Variants in PTPN5 observed in about 807,000 individuals in gnomAD.
PTPN5 encodes the protein tyrosine-protein phosphatase non-receptor type 5.
In PTPN5, 29 loss-of-function variants were observed where a neutral mutation model predicts 73.9. The observed-to-expected ratio is 0.39, with a 90% confidence interval of 0.29 to 0.54. The LOEUF (loss-of-function observed/expected upper bound fraction) is 0.54. Ranked by LOEUF, PTPN5 falls within the 20% of genes least tolerant of loss-of-function variation. The pLI is 0.65. For synonymous variants in PTPN5, 267 were observed against 304.7 expected (o/e 0.88, Z 1.29); for missense variants, 652 against 751.4 (o/e 0.87, Z 1.55).
intron 9 of PTPN5, among the ~76,000 whole-genome samples, chr11:18,735,169 A>G (rs1316679282): frequency 1.3e-5 from 2 of 152,220 alleles, no homozygotes; most frequent in African/African-American, 4.8e-5. Flanking sequence ...TAAAGGATAA[A>G]AAGAAGGATC....
At position 18,787,343 on chromosome 11, in the gene PTPN5, A is replaced by G. The variant is rs564945663; in HGVS notation, c.-114+4182T>C. Among the ~76,000 whole-genome samples the G allele has an allele frequency of 2.0e-5, 3 of 152,182 alleles. No individual in the cohort carries two copies. In the South Asian group the frequency reaches 6.2e-4, roughly 32 times the overall value. On this transcript the variant is annotated intron_variant, in intron 1 of 14. Coordinates refer to ENST00000358540, the MANE Select transcript of PTPN5 (RefSeq NM_006906.2). ...CATTCATTCATTCATTCATTCATTC[A>G]CTCATTCAACAATGATTTACTGTGA...
intron 1 of PTPN5, among the ~76,000 whole-genome samples, chr11:18,784,844 T>C (rs1477813887): frequency 6.6e-6 from 1 of 151,694 alleles, no homozygotes; most frequent in Non-Finnish European, 1.5e-5. Context: ...ACTCTTGGGT[T>C]CCCTGTTCTT....
chr11:18,757,786 G>A (rs1850221261), intron 3 of PTPN5, among the ~76,000 whole-genome samples: 1 of 152,178 alleles, frequency 6.6e-6, no homozygotes, highest in African/African-American at 2.4e-5. Context: ...ATTTGAACCT[G>A]GCTTTTAAAC....
intron 1 of PTPN5, among the ~76,000 whole-genome samples, chr11:18,789,981 G>T (rs1325253789): frequency 1.3e-5 from 2 of 152,052 alleles, no homozygotes; most frequent in African/African-American, 4.8e-5. Flanking sequence ...CAGAACCTCA[G>T]GTCCCTGGAG....
intron 1 of PTPN5, among the ~76,000 whole-genome samples, chr11:18,787,272 T>C (rs1017043568): frequency 6.6e-6 from 1 of 152,236 alleles, no homozygotes; most frequent in Admixed American, 6.5e-5. Flanking sequence ...TATTGGTTCA[T>C]ATAAGTCTAA....
intron 7 of PTPN5, 22 bp from the exon 8 acceptor site, chr11:18,740,814 G>A: frequency 2.0e-6 from 3 of 1,464,456 alleles, no homozygotes; most frequent in Non-Finnish European, 2.7e-6. Context: ...AGGAAAGGGA[G>A]TGTGAGCCTC....
intron 9 of PTPN5, among the ~76,000 whole-genome samples, chr11:18,734,718 G>A (rs554857544): frequency 1.3e-5 from 2 of 152,326 alleles, no homozygotes; most frequent in South Asian, 2.1e-4. Flanking sequence ...AGCCTGCAGA[G>A]GCCAAGACTG....
Position 18,742,774 on chromosome 11 carries a change from CCT to C in PTPN5, c.483+216_483+217del, listed in dbSNP as rs749140955. On this transcript the variant is annotated intron_variant, in intron 6 of 14. Coordinates refer to ENST00000358540, the MANE Select transcript of PTPN5 (RefSeq NM_006906.2). This position sits in a 1 kb window ranked among gnomAD's most constrained non-coding sequence, Gnocchi z 4.1. ...TGGGAGTTCCTACACCAGTCTTCTC[CCT>C]GTCTCATCCCCTTTCCTTAGCCCAG... 1.3e-5 allele frequency among the ~76,000 whole-genome samples: 2 copies of C among 152,288 alleles called. No homozygotes were observed. Among genetic ancestry groups the C allele is most frequent in the South Asian group, 4.2e-4 (2 of 4,818 alleles).
intron 3 of PTPN5, among the ~76,000 whole-genome samples, chr11:18,765,374 T>G (rs1564917975): frequency 6.6e-6 from 1 of 152,090 alleles, no homozygotes; most frequent in Non-Finnish European, 1.5e-5. Context: ...AGTTTCACCC[T>G]CAAGCCGGGC....
intron 3 of PTPN5, among the ~76,000 whole-genome samples, chr11:18,745,706 A>AG (rs1849588709): frequency 6.6e-6 from 1 of 152,142 alleles, no homozygotes; most frequent in African/African-American, 2.4e-5. Flanking sequence ...TGGAATGTGC[A>AG]GGGGCCCTTC....
At chr11:18,788,646 A>T (rs751584455) in intron 1 of PTPN5, among the ~76,000 whole-genome samples, 8 of 152,220 alleles carry the variant, frequency 5.3e-5, no homozygotes, top group Non-Finnish European at 1.0e-4. Flanking sequence ...AGGAGAATAA[A>T]AGTCCTCTTT....
intron 4 of PTPN5, chr11:18,743,699 A>G: frequency 1.7e-6 from 1 of 579,912 alleles, no homozygotes; most frequent in South Asian, 2.2e-5. Flanking sequence ...GTAGTCTCCT[A>G]GAAAGGCCTC....
intron 3 of PTPN5, among the ~76,000 whole-genome samples, chr11:18,750,793 G>A (rs1369533508): frequency 1.3e-5 from 2 of 152,192 alleles, no homozygotes; most frequent in East Asian, 1.9e-4. Flanking sequence ...TACATGGGGA[G>A]CCACTGAGGC....
chr11:18,737,980 A>C lies in PTPN5; in HGVS notation c.916-16T>G. On this transcript the variant is annotated splice_polypyrimidine_tract_variant and intron_variant, in intron 8 of 14. Transcript: ENST00000358540. ...TGGGGATTTCCTGTGGAAGGAGGAC[A>C]CGGGGTGTGAGCAGCTATGGGCCCT... 1 of 1,609,700 alleles carries C rather than the reference A, an allele frequency of 6.2e-7. No homozygotes were observed.
chr11:18,749,103 A>G (rs1407690588), intron 3 of PTPN5, among the ~76,000 whole-genome samples: 2 of 152,228 alleles, frequency 1.3e-5, no homozygotes, highest in Non-Finnish European at 2.9e-5. Context: ...TTCTTTTGAC[A>G]GCCCTATGAG....
rs192783015 is a variant in PTPN5 at position 18,752,775 on chromosome 11, A to G, written c.98-8576T>C. ...CTTCCCCCAGCAGCTGCCCATGCTG[A>G]GAACTAAAAGAGCTGACAGCAGAGG... On this transcript the variant is annotated intron_variant, in intron 3 of 14. Coordinates refer to ENST00000358540, the MANE Select transcript of PTPN5 (RefSeq NM_006906.2). Among the ~76,000 whole-genome samples, 145 of 152,344 alleles carry G rather than the reference A, an allele frequency of 9.5e-4. 1 individual carries two copies. Among genetic ancestry groups the G allele is most frequent in the African/African-American group, 3.5e-3 (144 of 41,568 alleles).
Position 18,760,864 on chromosome 11 carries a change from C to T in PTPN5, c.97+4943G>A, listed in dbSNP as rs1246987174. On this transcript the variant is annotated intron_variant, in intron 3 of 14. Transcript: ENST00000358540. The stretch of plus-strand genomic sequence containing the variant: ...CTGTTAGCAGCTGGTGTCCATGTTC[C>T]CCTTTCCAGGATACACTCTAACTAC... 2.6e-5 allele frequency among the ~76,000 whole-genome samples: 4 copies of T among 152,350 alleles called. No homozygotes were observed. The South Asian group carries it at 8.3e-4, about 32-fold the overall frequency.
At chr11:18,732,358 G>A (rs1288224675) in intron 12 of PTPN5, among the ~76,000 whole-genome samples, 1 of 152,206 alleles carries the variant, frequency 6.6e-6, no homozygotes, top group African/African-American at 2.4e-5. Flanking sequence ...GAGAGACAGA[G>A]AGAGCCCAAC....
At chr11:18,758,579 T>C (rs1329986386) in intron 3 of PTPN5, among the ~76,000 whole-genome samples, 4 of 152,208 alleles carry the variant, frequency 2.6e-5, no homozygotes, top group Non-Finnish European at 5.9e-5. Context: ...GGTTGTTGTT[T>C]GAAGCCACTA....
Sources: gnomAD v4.1 joint callset for allele counts (sites outside exome capture counted in the v4.1 genomes callset) on GRCh38, gnomAD v4.1.1 for gene constraint, Gnocchi (gnomAD v3.1) non-coding constraint, MANE v1.5 for transcripts, NCBI Gene and HGNC (gene_info 2026-07-23, HGNC 2026-07-21) for gene names.